The following RBFOX1 variants were observed in gnomAD, a reference collection of about 807,000 sequenced individuals.
RBFOX1 encodes the protein RNA binding fox-1 homolog 1.
In RBFOX1, 8 loss-of-function variants were observed where a neutral mutation model predicts 57.7. The ratio of observed to expected loss-of-function variants is 0.14; its 90% CI spans 0.08 to 0.25. The LOEUF (loss-of-function observed/expected upper bound fraction) is 0.25. Among genes scored for constraint, RBFOX1 ranks in the 10% least tolerant of loss-of-function variants. The pLI is 1.00. For missense variants in RBFOX1, 611 were observed against 548.5 expected (o/e 1.11, Z -1.14); for synonymous variants, 326 against 222.4 (o/e 1.47, Z -4.15).
intron 3 of RBFOX1, among the ~76,000 whole-genome samples, chr16:7,012,943 T>A (rs2093721905): frequency 6.6e-6 from 1 of 152,078 alleles, no homozygotes; most frequent in Non-Finnish European, 1.5e-5. Context: ...AGGCTCTCTT[T>A]GTGGTTGGCA....
intron 1 of RBFOX1, among the ~76,000 whole-genome samples, chr16:5,385,443 T>C (rs1293906332): frequency 6.6e-6 from 1 of 152,218 alleles, no homozygotes; most frequent in Middle Eastern, 3.2e-3. Context: ...ACATGAAACA[T>C]GCACTTTGAG....
rs371160846 is a variant in RBFOX1, at chr16:5,242,109, G to C, written c.219+2004G>C. ...AGTCTAGGTGACAAAGTGAGACCCT[G>C]TTTCAAGGAAAAGAGAGAGAGAGAG... On this transcript the variant is annotated intron_variant, in intron 1 of 2. Transcript: ENST00000585867. Among the ~76,000 whole-genome samples, 8 of 151,736 alleles carry C rather than the reference G, an allele frequency of 5.3e-5. No homozygotes were observed. In the East Asian group the frequency reaches 9.7e-4, roughly 18 times the overall value.
intron 3 of RBFOX1, among the ~76,000 whole-genome samples, chr16:5,724,349 GA>G (rs1567451305): frequency 6.6e-6 from 1 of 152,142 alleles, no homozygotes; most frequent in Non-Finnish European, 1.5e-5. Context: ...CATTTGGGGA[GA>G]TTATGCTGGG....
chr16:6,484,019 G>C (rs763526312), intron 2 of RBFOX1: 2 of 884,180 alleles, frequency 2.3e-6, no homozygotes, highest in South Asian at 5.0e-5. Flanking sequence ...GAGGGCTAGG[G>C]GGCGTTTAGA....
rs1181699475 is a variant in RBFOX1, at chr16:7,550,993, C to T, written c.271-28784C>T. On this transcript the variant is annotated intron_variant, in intron 5 of 15. Coordinates refer to ENST00000550418, the MANE Select transcript of RBFOX1 (RefSeq NM_018723.4). ...CCTGTAATCCCAGCTACTCAGGAGG[C>T]TGAGGCGGGAAAATCACTTGAACCC... Among the ~76,000 whole-genome samples, 3 of 148,594 alleles carry T rather than the reference C, an allele frequency of 2.0e-5. No homozygotes were observed. The East Asian group carries it at 6.2e-4, about 31-fold the overall frequency.
chr16:6,858,334 C>T (rs1372605001), intron 3 of RBFOX1, among the ~76,000 whole-genome samples: 1 of 152,182 alleles, frequency 6.6e-6, no homozygotes, highest in East Asian at 1.9e-4. Context: ...TTAGGATTTT[C>T]ATCTAAAATA....
chr16:5,855,620 T>G (rs1275235717), intron 3 of RBFOX1, among the ~76,000 whole-genome samples: 1 of 152,230 alleles, frequency 6.6e-6, no homozygotes, highest in Non-Finnish European at 1.5e-5. Context: ...TTTTGGTTAC[T>G]GTTCCTTTGT....
At chr16:6,394,573 A>T (rs953116701) in intron 2 of RBFOX1, among the ~76,000 whole-genome samples, 1 of 152,084 alleles carries the variant, frequency 6.6e-6, no homozygotes, top group Non-Finnish European at 1.5e-5. Flanking sequence ...TAAGAGGAGA[A>T]TATATGCAGT....
At chr16:6,770,385 A>C (rs1374805604) in intron 3 of RBFOX1, among the ~76,000 whole-genome samples, 1 of 152,088 alleles carries the variant, frequency 6.6e-6, no homozygotes, top group Non-Finnish European at 1.5e-5. Flanking sequence ...CATTTACTCC[A>C]CTTGGATTAT....
At chr16:6,977,937 G>GAAAAAAAAAAA (rs1555705863) in intron 3 of RBFOX1, among the ~76,000 whole-genome samples, 3,645 of 78,796 alleles carry the variant, frequency 0.046, 269 homozygotes, top group African/African-American at 0.14. Flanking sequence ...CCTCCCCAGG[G>GAAAAAAAAAAA]AAAAAAAAAA....
At chr16:5,775,558 C>A (rs1211452371) in intron 3 of RBFOX1, among the ~76,000 whole-genome samples, 1 of 152,172 alleles carries the variant, frequency 6.6e-6, no homozygotes, top group Non-Finnish European at 1.5e-5. Context: ...GGTTCAGACA[C>A]CAGGTGCACA....
chr16:7,031,506 G>A (rs566123246), intron 3 of RBFOX1, among the ~76,000 whole-genome samples: 1 of 151,894 alleles, frequency 6.6e-6, no homozygotes, highest in South Asian at 2.1e-4. Context: ...TGAGGCAGGA[G>A]AATCACTTGA....
intron 5 of RBFOX1, among the ~76,000 whole-genome samples, chr16:7,540,131 G>A (rs898232275): frequency 2.6e-5 from 4 of 152,136 alleles, no homozygotes; most frequent in Non-Finnish European, 4.4e-5. Context: ...TCTAACCCCC[G>A]TCTCCTCCTT....
intron 3 of RBFOX1, among the ~76,000 whole-genome samples, chr16:6,900,580 C>CT (rs1217739367): frequency 2.0e-5 from 3 of 152,152 alleles, no homozygotes; most frequent in African/African-American, 7.2e-5. Context: ...CCTTTTTAGT[C>CT]TTTTCCAGTT....
intron 4 of RBFOX1, among the ~76,000 whole-genome samples, chr16:5,997,057 A>C (rs2060503478): frequency 7.6e-6 from 1 of 131,878 alleles, no homozygotes. Context: ...ACCAGGAAGC[A>C]CCTCCGTCTC....
intron 4 of RBFOX1, among the ~76,000 whole-genome samples, chr16:7,130,146 C>T (rs1334952351): frequency 6.6e-6 from 1 of 151,624 alleles, no homozygotes; most frequent in Non-Finnish European, 1.5e-5. Context: ...AATTCTCCTG[C>T]CTCAGCCTTC....
chr16:6,159,080 T>C (rs531019091), intron 1 of RBFOX1, among the ~76,000 whole-genome samples: 40 of 152,174 alleles, frequency 2.6e-4, no homozygotes, highest in Non-Finnish European at 5.7e-4. Flanking sequence ...TTTTTTATTT[T>C]TATTTTTTAT....
chr16:5,681,067 G>A (rs2050317080), intron 3 of RBFOX1, among the ~76,000 whole-genome samples: 1 of 151,904 alleles, frequency 6.6e-6, no homozygotes, highest in Non-Finnish European at 1.5e-5. Context: ...ACCACCCCAT[G>A]AGGTAATATA....
intron 11 of RBFOX1, among the ~76,000 whole-genome samples, chr16:7,636,886 C>A (rs1484104493): frequency 6.6e-6 from 1 of 152,040 alleles, no homozygotes; most frequent in Non-Finnish European, 1.5e-5. Context: ...GGTGTCTCTT[C>A]ATATAAGGGC....
Sources: gnomAD v4.1 joint callset for allele counts (sites outside exome capture counted in the v4.1 genomes callset) on GRCh38, gnomAD v4.1.1 for gene constraint, MANE v1.5 for transcripts, NCBI Gene and HGNC (gene_info 2026-07-23, HGNC 2026-07-21) for gene names.